Variants in AP1AR observed in about 807,000 individuals in gnomAD.
AP1AR encodes the protein adaptor related protein complex 1 associated regulatory protein.
AP1AR carries 29 observed loss-of-function variants against 46.3 expected under a neutral mutation model. The observed-to-expected ratio is 0.63, with a 90% CI of 0.47 to 0.85. The LOEUF (loss-of-function observed/expected upper bound fraction) is 0.85, where lower values mean the gene tolerates loss of function less well. Ranked by LOEUF, AP1AR falls within the 40% of genes least tolerant of loss-of-function variation. The pLI is 0.00. For missense variants in AP1AR, 357 were observed against 356.3 expected, an observed-to-expected ratio of 1.00 and a Z score of -0.02; for synonymous variants, 122 against 122.9, an observed-to-expected ratio of 0.99 and a Z score of 0.05.
intron 1 of AP1AR, among the ~76,000 whole-genome samples, chr4:112,243,702 T>C (rs1725605214): frequency 6.6e-6 from 1 of 152,170 alleles, no homozygotes; most frequent in Non-Finnish European, 1.5e-5. Flanking sequence ...TTTAGATCAT[T>C]TCCAACTTCT....
chr4:112,266,765 T>C, intron 9 of AP1AR, 49 bp downstream of exon 9: 1 of 1,526,622 alleles, frequency 6.6e-7, no homozygotes. Flanking sequence ...GTAATCTGTG[T>C]TGATTTATGT....
At chr4:112,246,308 C>G (rs1018130545) in intron 1 of AP1AR, among the ~76,000 whole-genome samples, 4 of 152,132 alleles carry the variant, frequency 2.6e-5, no homozygotes, top group African/African-American at 9.7e-5. Context: ...GAGTTCGAGA[C>G]CAGCCTGGCC....
At position 112,243,261 on chromosome 4, in the gene AP1AR, C is replaced by A. The variant is rs112950958; in HGVS notation, c.84-9947C>A. Among the ~76,000 whole-genome samples the A allele has an allele frequency of 1.6e-3, 248 of 152,276 alleles. 1 individual carries two copies. Among genetic ancestry groups the A allele is most frequent in the African/African-American group, 5.7e-3 (237 of 41,542 alleles). On this transcript the variant is annotated intron_variant, in intron 1 of 9. Transcript: ENST00000274000. ...ATCGTTTCACTGCTGGCATTTAAGT[C>A]TTATGTCTTGGATTTACCGCATTTA... is the stretch of plus-strand genomic sequence containing the variant.
chr4:112,252,142 G>A (rs1725987363), intron 1 of AP1AR, among the ~76,000 whole-genome samples: 1 of 152,192 alleles, frequency 6.6e-6, no homozygotes, highest in African/African-American at 2.4e-5. Context: ...GGGAGGCTGA[G>A]GCAGGAGGAT....
rs548289317 is a variant in AP1AR at position 112,257,648 on chromosome 4, G to T, written c.160-124G>T. On this transcript the variant is annotated intron_variant, in intron 3 of 9. Coordinates refer to ENST00000274000, the MANE Select transcript of AP1AR (RefSeq NM_018569.6). ...AGTGAAATATATTTAATAGTGAAAT[G>T]TATTTACTCTGATAAAAAATGGGTA... The T allele has an allele frequency of 2.5e-3, 1,700 of 681,850 alleles. 4 individuals carry two copies. Among genetic ancestry groups the T allele is most frequent in the Non-Finnish European group, 3.0e-3 (1,281 of 426,816 alleles). The allele number at this position is 681,850 out of a possible 1,614,324, so 42.2% of individuals were successfully genotyped here.
At position 112,260,785 on chromosome 4, in the gene AP1AR, A is replaced by G; in HGVS notation, c.205A>G (p.Ile69Val). The part of the protein sequence containing the change: ...SSHRPLTEEE[I>V]VDLRERHYDS... ...CTCTAGGCCTCTTACTGAGGAAGAA[A>G]TTGTTGACCTAAGAGAAAGGCATTA... The change falls in exon 5 of 10, where the codon ATT becomes GTT. Residue 69 changes from isoleucine to valine, a missense_variant. Around this residue, in one of 2 missense-constraint regions of AP1AR, gnomAD observed 269 missense variants for 223.6 expected, o/e 1.20. Coordinates refer to ENST00000274000, the MANE Select transcript of AP1AR (RefSeq NM_018569.6). The G allele has an allele frequency of 1.3e-6, 2 of 1,597,114 alleles. No homozygotes were observed. Among genetic ancestry groups the G allele is most frequent in the Non-Finnish European group, 1.7e-6 (2 of 1,173,748 alleles).
intron 6 of AP1AR, 149 bp from the exon 7 acceptor site, chr4:112,264,860 A>G (rs1249540411): frequency 6.6e-6 from 4 of 601,740 alleles, no homozygotes; most frequent in Admixed American, 3.5e-5. Flanking sequence ...ATAGAATTGA[A>G]TAGTGATGGA....
Position 112,257,670 on chromosome 4 carries a change from G to C in AP1AR, c.160-102G>C, listed in dbSNP as rs905364863. On this transcript the variant is annotated intron_variant, in intron 3 of 9. Transcript: ENST00000274000. ...AATGTATTTACTCTGATAAAAAATG[G>C]GTAAGTTGAAAGTATTTAGATTAAA... 8.6e-6 allele frequency: 7 copies of C among 811,708 alleles called. No homozygotes were observed. The African/African-American group carries it at 1.3e-4, about 15-fold the overall frequency. The allele number at this position is 811,708 out of a possible 1,614,324, so 50.3% of individuals were successfully genotyped here.
chr4:112,261,546 T>A (rs758967091), intron 5 of AP1AR, among the ~76,000 whole-genome samples: 1 of 151,268 alleles, frequency 6.6e-6, no homozygotes, highest in African/African-American at 2.5e-5. Flanking sequence ...CAAGTACTTA[T>A]AATCATAAGT....
intron 8 of AP1AR, 55 bp from the exon 9 acceptor site, chr4:112,266,533 T>C (rs1726714923): frequency 5.2e-6 from 8 of 1,541,138 alleles, no homozygotes; most frequent in Non-Finnish European, 7.0e-6. Flanking sequence ...ATAAAACGGC[T>C]GTTGCGGTGG....
chr4:112,258,361 G>A (rs186272206), intron 4 of AP1AR, among the ~76,000 whole-genome samples: 8 of 152,160 alleles, frequency 5.3e-5, no homozygotes, highest in Admixed American at 1.3e-4. Flanking sequence ...AGCAACTGTC[G>A]TGTGCCAAGC....
rs563627877 is a variant in AP1AR at position 112,255,247 on chromosome 4, C to G, written c.159+474C>G. Reference sequence around the variant, plus strand: ...GTGCTGGGATTTCAGGTGTGAGCCACCGCGCCCAGCCAATTCCGAATTTTT... The same window carrying G: ...GTGCTGGGATTTCAGGTGTGAGCCAGCGCGCCCAGCCAATTCCGAATTTTT... On this transcript the variant is annotated intron_variant, in intron 3 of 9. Transcript: ENST00000274000. 6.0e-5 allele frequency among the ~76,000 whole-genome samples: 9 copies of G among 150,798 alleles called. No homozygotes were observed. The South Asian group carries it at 1.7e-3, about 28-fold the overall frequency.
At chr4:112,267,642 G>C (rs900989966) in intron 9 of AP1AR, among the ~76,000 whole-genome samples, 2 of 151,858 alleles carry the variant, frequency 1.3e-5, no homozygotes, top group Non-Finnish European at 2.9e-5. Context: ...TGAGAATAAT[G>C]ATAGTACTGT....
At chr4:112,255,574 G>A (rs1726154444) in intron 3 of AP1AR, among the ~76,000 whole-genome samples, 2 of 152,066 alleles carry the variant, frequency 1.3e-5, no homozygotes, top group African/African-American at 2.4e-5. Flanking sequence ...CTTTGGAGTA[G>A]GCCTATTCTT....
Position 112,253,229 on chromosome 4 carries a change from C to G in AP1AR, c.105C>G (p.Cys35Trp). ...CCAGATCCAAGTATTTTAGAACATG[C>G]TCAAGAGGTGAGCACTTAACAATAG... is the stretch of plus-strand genomic sequence containing the variant. ...GGGGSKYFRT[C>W]SRGEHLTIEF... Residue 35 changes from cysteine to tryptophan, a missense_variant, in exon 2 of 10, where the codon TGC becomes TGG. Physicochemically the swap from Cys to Trp is radical, Grantham distance 215 (BLOSUM62 -2). Coordinates refer to ENST00000274000, the MANE Select transcript of AP1AR (RefSeq NM_018569.6). 1 of 1,610,586 alleles carries G rather than the reference C, an allele frequency of 6.2e-7. No individual in the cohort carries two copies. Among genetic ancestry groups the G allele is most frequent in the Non-Finnish European group, 8.5e-7 (1 of 1,178,730 alleles).
rs542516929 is a variant in AP1AR at position 112,232,129 on chromosome 4, T to G, written c.38T>G (p.Leu13Arg). 1 of 1,284,820 alleles carries G rather than the reference T, an allele frequency of 7.8e-7. No individual in the cohort carries two copies. The highest frequency in any genetic ancestry group is 4.1e-5 in the Admixed American group (1 of 24,528). 79.6% of individuals were successfully genotyped at this position (1,284,820 alleles called of 1,614,324 possible). A position where few individuals can be genotyped will look rare whatever the true frequency, so the allele number is the denominator to read the frequency against. The change falls in exon 1 of 10, where the codon CTT becomes CGT. Residue 13 changes from leucine to arginine, a missense_variant. Coordinates refer to ENST00000274000, the MANE Select transcript of AP1AR (RefSeq NM_018569.6). ...TGCTGGACGCAGTGCTTCGGACTGC[T>G]TCGCAAGGAAGCGGGGCGGCTGCAG... ...NCCWTQCFGL[L>R]RKEAGRLQRV...
rs1428954686 is a variant in AP1AR at position 112,254,754 on chromosome 4, A to G, written c.140A>G (p.Asn47Ser). The change falls in exon 3 of 10, where the codon AAT becomes AGT. Residue 47 changes from asparagine (N) to serine (S), a missense_variant. Around this residue, in one of 2 missense-constraint regions of AP1AR, gnomAD observed 269 missense variants for 223.6 expected, o/e 1.20. Coordinates refer to ENST00000274000, the MANE Select transcript of AP1AR (RefSeq NM_018569.6). ...ACTTTTTTGTCCTTTCAGTTTGAGA[A>G]TCTAGTAGAAAGTGATGAAGTAAGT... is the stretch of plus-strand genomic sequence containing the variant. ...RGEHLTIEFE[N>S]LVESDEGESP... 2.7e-5 allele frequency: 41 copies of G among 1,507,548 alleles called. No homozygotes were observed. In the East Asian group the frequency reaches 1.0e-3, roughly 37 times the overall value. The allele number at this position is 1,507,548 out of a possible 1,614,324, so 93.4% of individuals were successfully genotyped here. A position where few individuals can be genotyped will look rare whatever the true frequency, so the allele number is the denominator to read the frequency against.
chr4:112,232,160 A>G lies in AP1AR; in HGVS notation c.69A>G (p.Val23=), dbSNP rs1725033352. Residue 23 remains valine (V), a synonymous_variant, in exon 1 of 10, where the codon GTA becomes GTG. Coordinates refer to ENST00000274000, the MANE Select transcript of AP1AR (RefSeq NM_018569.6). ...AGGAAGCGGGGCGGCTGCAGCGAGT[A>G]GGCGGCGGCGGAGGGTAAGCCCGCT... The part of the protein sequence containing the change: ...LRKEAGRLQR[V]GGGGGSKYFR... 3.2e-5 allele frequency: 41 copies of G among 1,283,838 alleles called. No individual in the cohort carries two copies. Among genetic ancestry groups the G allele is most frequent in the South Asian group, 5.3e-5 (2 of 37,890 alleles). 79.5% of individuals were successfully genotyped at this position (1,283,838 alleles called of 1,614,324 possible).
intron 1 of AP1AR, among the ~76,000 whole-genome samples, chr4:112,237,898 C>T (rs943589698): frequency 3.9e-5 from 6 of 152,144 alleles, no homozygotes; most frequent in African/African-American, 1.2e-4. Context: ...TTTCTACAGG[C>T]TTATTTTTGC....
Sources: allele counts gnomAD v4.1 joint callset (sites outside exome capture counted in the v4.1 genomes callset), GRCh38; gene constraint gnomAD v4.1.1; regional missense constraint gnomAD v4.1.1; transcripts MANE v1.5; gene names NCBI Gene and HGNC (gene_info 2026-07-23, HGNC 2026-07-21).